Variants in VWC2 observed in about 807,000 individuals in gnomAD.
VWC2 encodes the protein von Willebrand factor C domain containing 2, also known as brorin.
A neutral mutation model predicts 29.8 loss-of-function variants in VWC2; 14 were observed. The observed-to-expected ratio is 0.47, with a 90% CI of 0.31 to 0.74. The LOEUF (loss-of-function observed/expected upper bound fraction) is 0.74. VWC2 is among the 30% of genes least tolerant of loss of function. The pLI is 0.05. For missense variants in VWC2, 457 were observed against 459.8 expected, an observed-to-expected ratio of 0.99 and a Z score of 0.05; for synonymous variants, 213 against 199.0, an observed-to-expected ratio of 1.07 and a Z score of -0.59.
Position 49,818,723 on chromosome 7 carries a change from AAT to A in VWC2, c.826+15894_826+15895del, listed in dbSNP as rs781054715. 5.3e-5 allele frequency among the ~76,000 whole-genome samples: 8 copies of A among 151,068 alleles called. No homozygotes were observed. In the East Asian group the frequency reaches 9.7e-4, roughly 18 times the overall value. On this transcript the variant is annotated intron_variant, in intron 3 of 3. Transcript: ENST00000340652. Reference sequence around the variant, plus strand: ...GATTGAAAGTAAAATTGAAGATAAAAATATATATATATGTATATCTTCATATA... The same window carrying A: ...GATTGAAAGTAAAATTGAAGATAAAAATATATATATGTATATCTTCATATA...
At chr7:49,779,207 G>A (rs920514004) in intron 2 of VWC2, among the ~76,000 whole-genome samples, 1 of 152,168 alleles carries the variant, frequency 6.6e-6, no homozygotes, top group Admixed American at 6.5e-5. Context: ...TGTCTTCATA[G>A]GCTTCTCTTT....
intron 2 of VWC2, among the ~76,000 whole-genome samples, chr7:49,777,595 T>G (rs769437562): frequency 6.6e-6 from 1 of 152,172 alleles, no homozygotes; most frequent in Non-Finnish European, 1.5e-5. Flanking sequence ...ATACATTGCT[T>G]AAGTACTCAC....
chr7:49,792,915 T>C (rs1274807871), intron 2 of VWC2, among the ~76,000 whole-genome samples: 1 of 152,182 alleles, frequency 6.6e-6, no homozygotes, highest in Non-Finnish European at 1.5e-5. Flanking sequence ...AGGTATGAGG[T>C]CCAGGACCAA....
rs548276455 is a variant in VWC2, at chr7:49,891,294, C to G, written c.827-20740C>G. Among the ~76,000 whole-genome samples, 161 of 152,250 alleles carry G rather than the reference C, an allele frequency of 1.1e-3. 2 individuals are homozygous for G. The highest frequency in any genetic ancestry group is 4.7e-4 in the Non-Finnish European group (32 of 68,008). ...CTCAATTTAGCCAGATGACATTACT[C>G]TGCTAATTATATATGTAACTAATAG... On this transcript the variant is annotated intron_variant, in intron 3 of 3. Transcript: ENST00000340652.
chr7:49,790,493 C>A (rs1562706145), intron 2 of VWC2, among the ~76,000 whole-genome samples: 1 of 152,220 alleles, frequency 6.6e-6, no homozygotes, highest in African/African-American at 2.4e-5. Flanking sequence ...GCACAGGCAG[C>A]AGCGTCTCTC....
rs114621728 is a variant in VWC2, at chr7:49,882,405, C to T, written c.827-29629C>T. Among the ~76,000 whole-genome samples, 1,187 of 152,204 alleles carry T rather than the reference C, an allele frequency of 7.8e-3. 14 individuals carry two copies. The highest frequency in any genetic ancestry group is 0.027 in the African/African-American group (1,135 of 41,544). On this transcript the variant is annotated intron_variant, in intron 3 of 3. Transcript: ENST00000340652. ...AAACCATCCACTGTCTTTATTTTGT[C>T]TTCTCTTTTAGTCTTTTTCCATATA...
At chr7:49,781,605 G>A (rs1209452817) in intron 2 of VWC2, among the ~76,000 whole-genome samples, 7 of 152,184 alleles carry the variant, frequency 4.6e-5, no homozygotes, top group African/African-American at 1.4e-4. Context: ...GAATCCTAGC[G>A]TGTTGGACTC....
chr7:49,913,649 G>A lies in VWC2; in HGVS notation c.*1464G>A, dbSNP rs773630322. On this transcript the variant is annotated 3_prime_UTR_variant, in exon 4 of 4. Transcript: ENST00000340652. ...TGATTTCTTGCCTTCTTGGACTTTC[G>A]GTCTCTGGCATAAGAAGTATATGAA... 9 of 152,000 alleles carry A rather than the reference G, an allele frequency of 5.9e-5. No individual in the cohort carries two copies. The highest frequency in any genetic ancestry group is 9.7e-5 in the African/African-American group (4 of 41,396). 9.4% of individuals were successfully genotyped at this position (152,000 alleles called of 1,614,324 possible).
At chr7:49,904,989 C>T (rs1238574035) in intron 3 of VWC2, among the ~76,000 whole-genome samples, 1 of 152,102 alleles carries the variant, frequency 6.6e-6, no homozygotes, top group Non-Finnish European at 1.5e-5. Context: ...CCACCTCAGC[C>T]TCCCAAAGTG....
At chr7:49,893,445 A>T (rs692201) in intron 3 of VWC2, among the ~76,000 whole-genome samples, 8 of 152,024 alleles carry the variant, frequency 5.3e-5, no homozygotes, top group African/African-American at 1.9e-4. Context: ...ACAAAATTTG[A>T]TTTTTTTCGT....
At chr7:49,808,934 A>C (rs1169856133) in intron 3 of VWC2, among the ~76,000 whole-genome samples, 2 of 152,026 alleles carry the variant, frequency 1.3e-5, no homozygotes, top group African/African-American at 4.8e-5. Flanking sequence ...AAAAGTAGAA[A>C]GGCCTCAAAT....
intron 2 of VWC2, among the ~76,000 whole-genome samples, chr7:49,802,105 A>G (rs999376742): frequency 6.6e-6 from 1 of 150,454 alleles, no homozygotes; most frequent in Non-Finnish European, 1.5e-5. Context: ...GAGATGAAAA[A>G]CATTTCTTCA....
At chr7:49,909,150 C>T (rs1172365550) in intron 3 of VWC2, among the ~76,000 whole-genome samples, 1 of 152,106 alleles carries the variant, frequency 6.6e-6, no homozygotes, top group Non-Finnish European at 1.5e-5. Flanking sequence ...CTATTAAGTA[C>T]CAGATTTTTA....
At chr7:49,905,616 A>G (rs1247023768) in intron 3 of VWC2, among the ~76,000 whole-genome samples, 1 of 152,184 alleles carries the variant, frequency 6.6e-6, no homozygotes, top group Non-Finnish European at 1.5e-5. Flanking sequence ...AAAACTCTAC[A>G]ATGAGAAAAT....
intron 2 of VWC2, among the ~76,000 whole-genome samples, chr7:49,800,311 C>T (rs1471373090): frequency 6.6e-6 from 1 of 152,190 alleles, no homozygotes; most frequent in African/African-American, 2.4e-5. Flanking sequence ...TTTGACGTTG[C>T]AGTTGGACCT....
At chr7:49,818,578 A>G (rs1789200444) in intron 3 of VWC2, among the ~76,000 whole-genome samples, 1 of 152,066 alleles carries the variant, frequency 6.6e-6, no homozygotes, top group Non-Finnish European at 1.5e-5. Flanking sequence ...CAATCTGCAT[A>G]GAGGCTCTGC....
chr7:49,858,797 A>T (rs1388107865), intron 3 of VWC2, among the ~76,000 whole-genome samples: 1 of 152,238 alleles, frequency 6.6e-6, no homozygotes. Context: ...GATAGTATTA[A>T]AAATGTTACT....
At position 49,775,461 on chromosome 7, in the gene VWC2, T is replaced by G. The variant is rs1311595827; in HGVS notation, c.26T>G (p.Val9Gly). MPSSTAMA[V>G]GALSSSLLVT... ...ATGCCCAGCTCCACTGCGATGGCAG[T>G]TGGCGCGCTCTCCAGTTCCCTCCTG... The change falls in exon 2 of 4, where the codon GTT (valine) becomes GGT (glycine). Residue 9 changes from valine (V) to glycine (G), a missense_variant. Around this residue, in one of 2 missense-constraint regions of VWC2, gnomAD observed 272 missense variants for 202.7 expected, o/e 1.34. Coordinates refer to ENST00000340652, the MANE Select transcript of VWC2 (RefSeq NM_198570.5). 3 of 1,374,194 alleles carry G rather than the reference T, an allele frequency of 2.2e-6. No individual in the cohort carries two copies. Among genetic ancestry groups the G allele is most frequent in the Non-Finnish European group, 2.9e-6 (3 of 1,052,072 alleles). 85.1% of individuals were successfully genotyped at this position (1,374,194 alleles called of 1,614,324 possible). A position where few individuals can be genotyped will look rare whatever the true frequency, so the allele number is the denominator to read the frequency against.
chr7:49,784,287 C>T (rs754185110), intron 2 of VWC2, among the ~76,000 whole-genome samples: 7 of 152,354 alleles, frequency 4.6e-5, no homozygotes, highest in East Asian at 1.9e-4. Context: ...CTCCCCATCC[C>T]TGACACCTTT....
Sources: gnomAD v4.1 joint callset for allele counts (sites outside exome capture counted in the v4.1 genomes callset) on GRCh38, gnomAD v4.1.1 for gene constraint, gnomAD v4.1.1 regional missense constraint, MANE v1.5 for transcripts, NCBI Gene and HGNC (gene_info 2026-07-23, HGNC 2026-07-21) for gene names.